Variants in SSBP3 observed in about 807,000 individuals in gnomAD.
The protein encoded by SSBP3 is single stranded DNA binding protein 3.
Under a neutral mutation model 69.6 loss-of-function variants are expected in SSBP3, and 5 were observed. That is an observed-to-expected ratio of 0.07 (90% confidence interval 0.04 to 0.15). The LOEUF (loss-of-function observed/expected upper bound fraction) is 0.15, where lower values mean the gene tolerates loss of function less well. SSBP3 is among the 10% of genes least tolerant of loss of function. The pLI is 1.00. For synonymous variants in SSBP3, 196 were observed against 193.4 expected (o/e 1.01, Z -0.11); for missense variants, 312 against 534.0 (o/e 0.58, Z 4.10).
At chr1:54,289,045 CAAAAAAA>C (rs796091545) in intron 4 of SSBP3, among the ~76,000 whole-genome samples, 72 of 41,142 alleles carry the variant, frequency 1.8e-3, no homozygotes, top group African/African-American at 9.0e-3. Flanking sequence ...AACAAAAAAA[CAAAAAAA>C]AAAAACAGTA....
chr1:54,234,698 T>C lies in SSBP3; in HGVS notation c.927+4431A>G, dbSNP rs1007666602. ...TAGGATACATTAGAACATTCTGCTC[T>C]GCTTTCTTTCCCACTGGTCTCTGAA... On this transcript the variant is annotated intron_variant, in intron 14 of 17. Transcript: ENST00000610401. 2.6e-5 allele frequency among the ~76,000 whole-genome samples: 4 copies of C among 152,114 alleles called. No homozygotes were observed. The South Asian group carries it at 8.3e-4, about 32-fold the overall frequency.
intron 4 of SSBP3, among the ~76,000 whole-genome samples, chr1:54,349,899 T>A (rs1394137228): frequency 6.6e-6 from 1 of 152,134 alleles, no homozygotes; most frequent in African/African-American, 2.4e-5. Context: ...GCTGGCAATC[T>A]GGAGCCCCTG....
Position 54,386,683 on chromosome 1 carries a change from C to CTTTTTTTTTTTTTTTTTTTTTTTTTT in SSBP3, c.276+15177_276+15178insAAAAAAAAAAAAAAAAAAAAAAAAAA, listed in dbSNP as rs58429798. 1.6e-3 allele frequency among the ~76,000 whole-genome samples: 123 copies of CTTTTTTTTTTTTTTTTTTTTTTTTTT among 76,078 alleles called. 17 individuals are homozygous for CTTTTTTTTTTTTTTTTTTTTTTTTTT. Among genetic ancestry groups the CTTTTTTTTTTTTTTTTTTTTTTTTTT allele is most frequent in the African/African-American group, 2.3e-3 (33 of 14,580 alleles). 49.9% of individuals were successfully genotyped at this position (76,078 alleles called of 152,430 possible). A position where few individuals can be genotyped will look rare whatever the true frequency, so the allele number is the denominator to read the frequency against. ...ATCCACAATGTATAAACTGATCCTA[C>CTTTTTTTTTTTTTTTTTTTTTTTTTT]TTTTTTTTTTTTTTTTTTTTTAAGA... On this transcript the variant is annotated intron_variant, in intron 4 of 17. Coordinates refer to ENST00000610401, the Ensembl canonical transcript of SSBP3.
intron 4 of SSBP3, among the ~76,000 whole-genome samples, chr1:54,397,203 T>A (rs1648955769): frequency 6.6e-6 from 1 of 152,074 alleles, no homozygotes; most frequent in Non-Finnish European, 1.5e-5. Context: ...GGCAGCACAC[T>A]CCCCCAGCTC....
intron 5 of SSBP3, among the ~76,000 whole-genome samples, chr1:54,277,043 G>A (rs921874790): frequency 7.2e-5 from 11 of 152,024 alleles, no homozygotes; most frequent in Admixed American, 3.9e-4. Context: ...GATTCAGTTC[G>A]AGCCTGGAAC....
chr1:54,312,251 T>C (rs954645313), intron 4 of SSBP3, among the ~76,000 whole-genome samples: 5 of 150,322 alleles, frequency 3.3e-5, no homozygotes, highest in Non-Finnish European at 7.4e-5. Flanking sequence ...ATCGCACCAC[T>C]GCACTCCAGC....
intron 5 of SSBP3, among the ~76,000 whole-genome samples, chr1:54,263,210 C>T (rs1645045198): frequency 6.6e-6 from 1 of 152,180 alleles, no homozygotes; most frequent in Non-Finnish European, 1.5e-5. Context: ...GCAGAGCATT[C>T]CCACTGTAAA....
intron 11 of SSBP3, 74 bp from the exon 12 acceptor site, chr1:54,241,583 A>C: frequency 6.7e-7 from 1 of 1,502,120 alleles, no homozygotes; most frequent in Non-Finnish European, 9.2e-7. Context: ...CCCTGAGGAC[A>C]CGACCCACTC....
In SSBP3 at chr1:54,258,197, G is replaced by C; in HGVS notation, c.367-48C>G. Reference sequence around the variant, plus strand: ...CAGGTTATAGATCACAGCACATGGAGAAGCGCAGAAGCAGCTTAAAAGAAC... The same window carrying C: ...CAGGTTATAGATCACAGCACATGGACAAGCGCAGAAGCAGCTTAAAAGAAC... On this transcript the variant is annotated intron_variant, in intron 5 of 17. Coordinates refer to ENST00000610401, the Ensembl canonical transcript of SSBP3. This position sits in a 1 kb window ranked among gnomAD's most constrained non-coding sequence, Gnocchi z 4.5. 7.5e-7 allele frequency: 1 copy of C among 1,334,452 alleles called. No individual in the cohort carries two copies. Among genetic ancestry groups the C allele is most frequent in the East Asian group, 3.3e-5 (1 of 30,168 alleles). 82.7% of individuals were successfully genotyped at this position (1,334,452 alleles called of 1,614,324 possible). A position where few individuals can be genotyped will look rare whatever the true frequency, so the allele number is the denominator to read the frequency against.
chr1:54,239,099 G>A (rs1644557567), intron 14 of SSBP3, 30 bp downstream of exon 14: 1 of 1,577,210 alleles, frequency 6.3e-7, no homozygotes, highest in Non-Finnish European at 8.7e-7. Flanking sequence ...TATGGTGTCT[G>A]ATATGTAAAT....
At chr1:54,389,439 G>A (rs1244982132) in intron 4 of SSBP3, among the ~76,000 whole-genome samples, 1 of 151,942 alleles carries the variant, frequency 6.6e-6, no homozygotes, top group Non-Finnish European at 1.5e-5. Context: ...CACCAGTCAG[G>A]AACCCTATGA....
At chr1:54,238,051 C>T (rs1403914870) in intron 14 of SSBP3, 3 of 432,952 alleles carry the variant, frequency 6.9e-6, no homozygotes, top group African/African-American at 2.0e-5. Context: ...CTTTCTGTGT[C>T]CTGGGATTCC....
At chr1:54,340,937 C>G (rs1014558002) in intron 4 of SSBP3, among the ~76,000 whole-genome samples, 10 of 152,216 alleles carry the variant, frequency 6.6e-5, no homozygotes, top group Non-Finnish European at 1.0e-4. Flanking sequence ...GTGGAAAGAA[C>G]CAGGCTATGG....
intron 4 of SSBP3, among the ~76,000 whole-genome samples, chr1:54,324,757 G>A (rs760803872): frequency 5.3e-5 from 8 of 152,308 alleles, no homozygotes; most frequent in East Asian, 1.9e-4. Context: ...AAAGTTCTGC[G>A]TCAAGGCATC....
exon 8 of SSBP3, chr1:54,251,846 A>T: frequency 6.2e-7 from 1 of 1,611,734 alleles, no homozygotes; most frequent in Non-Finnish European, 8.5e-7. Context: ...GTGTCCCAGG[A>T]ACTCCTCCCG....
intron 4 of SSBP3, among the ~76,000 whole-genome samples, chr1:54,319,218 C>A (rs1326970310): frequency 6.6e-6 from 1 of 152,190 alleles, no homozygotes; most frequent in Non-Finnish European, 1.5e-5. Context: ...AACTGAGGCT[C>A]AGCGAAGAGC....
intron 4 of SSBP3, among the ~76,000 whole-genome samples, chr1:54,305,179 AG>A (rs1645876596): frequency 1.3e-5 from 2 of 152,192 alleles, no homozygotes; most frequent in South Asian, 4.1e-4. Flanking sequence ...TAACTAAGTA[AG>A]ATGGAAACCA....
intron 4 of SSBP3, among the ~76,000 whole-genome samples, chr1:54,294,631 G>A (rs1394231744): frequency 6.6e-6 from 1 of 152,202 alleles, no homozygotes. Context: ...CTGGGTGCAG[G>A]AAGGGGTTCA....
chr1:54,293,896 G>A (rs1242590199), intron 4 of SSBP3, among the ~76,000 whole-genome samples: 1 of 152,182 alleles, frequency 6.6e-6, no homozygotes, highest in Non-Finnish European at 1.5e-5. Flanking sequence ...CAGCACTCTG[G>A]GAGGCTGAGG....
Sources: gnomAD v4.1 joint callset for allele counts (sites outside exome capture counted in the v4.1 genomes callset) on GRCh38, gnomAD v4.1.1 for gene constraint, Gnocchi (gnomAD v3.1) non-coding constraint, MANE v1.5 for transcripts, NCBI Gene and HGNC (gene_info 2026-07-23, HGNC 2026-07-21) for gene names.